PLA2G6: variants seen among roughly 807,000 people sequenced by gnomAD.
PLA2G6 encodes the protein 85/88 kDa calcium-independent phospholipase A2.
In PLA2G6, 62 loss-of-function variants were observed where a neutral mutation model predicts 83.8. The observed-to-expected ratio is 0.74, with a 90% confidence interval of 0.60 to 0.91. The LOEUF (loss-of-function observed/expected upper bound fraction) is 0.91. Among genes scored for constraint, PLA2G6 ranks in the 40% least tolerant of loss-of-function variants. The pLI is 0.00. For synonymous variants in PLA2G6, 417 were observed against 449.8 expected, an observed-to-expected ratio of 0.93 and a Z score of 0.92; for missense variants, 944 against 1,102.0, an observed-to-expected ratio of 0.86 and a Z score of 2.03.
Position 38,128,191 on chromosome 22 carries a change from G to A in PLA2G6, c.1348+78C>T, listed in dbSNP as rs755743330. Reference sequence around the variant, plus strand: ...TAGTGACTTCCGTCCTAGGGATCCTGTTGCTTTGGTGGGGCCTGCTGTGAT... The same window carrying A: ...TAGTGACTTCCGTCCTAGGGATCCTATTGCTTTGGTGGGGCCTGCTGTGAT... On this transcript the variant is annotated intron_variant, in intron 9 of 16. Coordinates refer to ENST00000332509, the MANE Select transcript of PLA2G6 (RefSeq NM_003560.4). The surrounding 1 kb of genome is among the most constrained non-coding windows in gnomAD (Gnocchi z 4.4). 1.2e-4 allele frequency: 180 copies of A among 1,469,264 alleles called. No individual in the cohort carries two copies. In the Middle Eastern group the frequency reaches 2.9e-3, roughly 24 times the overall value. The allele number at this position is 1,469,264 out of a possible 1,614,324, so 91.0% of individuals were successfully genotyped here. A position where few individuals can be genotyped will look rare whatever the true frequency, so the allele number is the denominator to read the frequency against.
At chr22:38,168,194 G>A (rs1230424178) in intron 2 of PLA2G6, 3 of 153,998 alleles carry the variant, frequency 1.9e-5, no homozygotes, top group African/African-American at 7.2e-5. Flanking sequence ...TCATCTCACA[G>A]GCCAGCCAGG....
chr22:38,151,240 T>C (rs141286174), intron 2 of PLA2G6, among the ~76,000 whole-genome samples: 1 of 152,158 alleles, frequency 6.6e-6, no homozygotes, highest in East Asian at 1.9e-4. Context: ...CAAAAGCTTT[T>C]TCTTTCCTTC....
chr22:38,112,559 G>A lies in PLA2G6; in HGVS notation c.2221C>T (p.Arg741Trp), dbSNP rs530348521. The change falls in exon 16 of 17, where the codon CGG becomes TGG. Residue 741 changes from arginine (R) to tryptophan (W), a missense_variant. By Grantham distance (101) the Arg-to-Trp change is moderately radical (BLOSUM62 -3). Transcript: ENST00000332509. ...VVDCCTDPDGRAVDRARAWCE... is the reference protein window; with the variant it reads ...VVDCCTDPDGWAVDRARAWCE... ...CAGGCCCGTGCCCGGTCCACAGCCC[G>A]CCCGTCTGGATCCGTGCACTGGTGA... 4.3e-5 allele frequency: 66 copies of A among 1,552,888 alleles called. No homozygotes were observed. The highest frequency in any genetic ancestry group is 1.2e-4 in the Admixed American group (6 of 51,634).
At chr22:38,149,935 T>C (rs132941) in intron 2 of PLA2G6, 70,331 of 150,588 alleles carry the variant, frequency 0.47, 16,672 homozygotes, top group South Asian at 0.63. Flanking sequence ...ACTCCATCTC[T>C]GATCACGCTA....
At chr22:38,126,245 G>A (rs2087847402) in intron 10 of PLA2G6, 126 bp downstream of exon 10, 1 of 757,722 alleles carries the variant, frequency 1.3e-6, no homozygotes, top group African/African-American at 1.7e-5. Context: ...TATAAGACTA[G>A]GAGCAGAGCC....
intron 10 of PLA2G6, chr22:38,126,118 C>T (rs977796157): frequency 1.4e-5 from 8 of 570,256 alleles, no homozygotes; most frequent in African/African-American, 5.6e-5. Flanking sequence ...CAGAACACTG[C>T]GCCAGCCCCA....
chr22:38,117,223 T>A (rs1434081443), intron 12 of PLA2G6, among the ~76,000 whole-genome samples: 1 of 152,222 alleles, frequency 6.6e-6, no homozygotes, highest in African/African-American at 2.4e-5. Context: ...AATCTTTTTT[T>A]TGAGACGGAG....
rs556727891 is a variant in PLA2G6 at position 38,129,532 on chromosome 22, T to C, written c.1108A>G (p.Ile370Val). ...GTGTCCACTTCTGCTCCGAACACGATGAGGGCCTTGATCATCTCCACGTTG... is the reference window on the plus strand; with the variant it reads ...GTGTCCACTTCTGCTCCGAACACGACGAGGGCCTTGATCATCTCCACGTTG... ...KDNVEMIKALIVFGAEVDTPN... is the reference protein window; with the variant it reads ...KDNVEMIKALVVFGAEVDTPN... The change falls in exon 8 of 17, where the codon ATC (isoleucine) becomes GTC (valine). Residue 370 changes from isoleucine (I) to valine (V), a missense_variant. Coordinates refer to ENST00000332509, the MANE Select transcript of PLA2G6 (RefSeq NM_003560.4). The C allele has an allele frequency of 1.2e-6, 2 of 1,613,928 alleles. No homozygotes were observed. The highest frequency in any genetic ancestry group is 1.3e-5 in the African/African-American group (1 of 75,024).
intron 7 of PLA2G6, chr22:38,131,789 T>C (rs1039854096): frequency 7.8e-6 from 2 of 256,532 alleles, no homozygotes; most frequent in Non-Finnish European, 1.5e-5. Flanking sequence ...ACGGTATTGC[T>C]ATAGAAAACG....
chr22:38,135,139 G>A, intron 5 of PLA2G6, 55 bp from the exon 6 acceptor site: 1 of 1,241,280 alleles, frequency 8.1e-7, no homozygotes. Context: ...GCGTGGCGTG[G>A]GATGAAGCCA....
Position 38,169,471 on chromosome 22 carries a change from T to C in PLA2G6, c.-45A>G. 1 of 1,557,974 alleles carries C rather than the reference T, an allele frequency of 6.4e-7. No individual in the cohort carries two copies. Among genetic ancestry groups the C allele is most frequent in the Non-Finnish European group, 8.8e-7 (1 of 1,133,794 alleles). ...GAGGCCCCACCGTCTTCCCCCTCTG[T>C]CTGGAAGAAAACGAGGTCTCTGGTC... On this transcript the variant is annotated splice_region_variant and 5_prime_UTR_variant, in exon 2 of 17. Coordinates refer to ENST00000332509, the MANE Select transcript of PLA2G6 (RefSeq NM_003560.4).
At chr22:38,117,134 AAAT>A (rs1300661902) in intron 12 of PLA2G6, among the ~76,000 whole-genome samples, 12 of 152,078 alleles carry the variant, frequency 7.9e-5, no homozygotes, top group Non-Finnish European at 1.3e-4. Context: ...CTTCCAAGAA[AAAT>A]AAAAAGAGGA....
At chr22:38,166,111 G>A (rs1232613086) in intron 2 of PLA2G6, among the ~76,000 whole-genome samples, 5 of 152,160 alleles carry the variant, frequency 3.3e-5, no homozygotes, top group Non-Finnish European at 5.9e-5. Flanking sequence ...TCTGATTTTC[G>A]ACTGGCACGT....
intron 3 of PLA2G6, chr22:38,144,546 T>C (rs1417233474): frequency 7.1e-6 from 1 of 139,942 alleles, no homozygotes; most frequent in South Asian, 2.3e-4. Context: ...GGCAGGAGAA[T>C]GGCGTGAACC....
chr22:38,126,080 T>TA (rs1307874531), intron 10 of PLA2G6: 1 of 455,976 alleles, frequency 2.2e-6, no homozygotes, highest in African/African-American at 2.0e-5. Flanking sequence ...CCCCCTCTTC[T>TA]AGCCATAAGG....
rs1038213469 is a variant in PLA2G6, at chr22:38,123,867, C to T, written c.1428-609G>A. 6.6e-6 allele frequency among the ~76,000 whole-genome samples: 1 copy of T among 152,148 alleles called. No homozygotes were observed. Among genetic ancestry groups the T allele is most frequent in the African/African-American group, 2.4e-5 (1 of 41,444 alleles). ...TTATTTATTTAGAGACGGAGTTTCACTCTTGTTGCCCAGGCTGGAGTGCAA... is the reference window on the plus strand; with the variant it reads ...TTATTTATTTAGAGACGGAGTTTCATTCTTGTTGCCCAGGCTGGAGTGCAA... On this transcript the variant is annotated intron_variant, in intron 10 of 16. Transcript: ENST00000332509. The surrounding 1 kb of genome is among the most constrained non-coding windows in gnomAD (Gnocchi z 4.1).
Position 38,132,123 on chromosome 22 carries a change from A to T in PLA2G6, c.1077+708T>A. ...GTGCGAGACTCCATCTCGAAAAAAA[A>T]GAATACATGCACACACATATGTCTG... is the stretch of plus-strand genomic sequence containing the variant. On this transcript the variant is annotated intron_variant, in intron 7 of 16. Coordinates refer to ENST00000332509, the MANE Select transcript of PLA2G6 (RefSeq NM_003560.4). This position sits in a 1 kb window ranked among gnomAD's most constrained non-coding sequence, Gnocchi z 5.0. The T allele has an allele frequency of 4.4e-6, 2 of 455,908 alleles. No homozygotes were observed. The highest frequency in any genetic ancestry group is 8.8e-6 in the Non-Finnish European group (2 of 226,804). The allele number at this position is 455,908 out of a possible 1,614,324, so 28.2% of individuals were successfully genotyped here.
At chr22:38,151,864 CTTG>C (rs1387036212) in intron 2 of PLA2G6, among the ~76,000 whole-genome samples, 1 of 152,186 alleles carries the variant, frequency 6.6e-6, no homozygotes, top group Non-Finnish European at 1.5e-5. Flanking sequence ...CTTTGCCCCG[CTTG>C]TTGTTGTCAA....
chr22:38,167,276 C>T (rs1029135422), intron 2 of PLA2G6, among the ~76,000 whole-genome samples: 2 of 151,536 alleles, frequency 1.3e-5, no homozygotes, highest in African/African-American at 4.8e-5. Context: ...TATAAAGTAC[C>T]ACAGAATAGC....
Sources: gnomAD v4.1 joint callset for allele counts (sites outside exome capture counted in the v4.1 genomes callset) on GRCh38, gnomAD v4.1.1 for gene constraint, Gnocchi (gnomAD v3.1) non-coding constraint, MANE v1.5 for transcripts, NCBI Gene and HGNC (gene_info 2026-07-23, HGNC 2026-07-21) for gene names.